Variants in EYS observed in about 807,000 individuals in gnomAD.
EYS encodes EGF-like photoreceptor maintenance factor, also known as protein eyes shut homolog.
A neutral mutation model predicts 282.1 loss-of-function variants in EYS; 250 were observed. The ratio of observed to expected loss-of-function variants is 0.89; its 90% CI spans 0.80 to 0.98. The LOEUF (loss-of-function observed/expected upper bound fraction) is 0.98. Among genes scored for constraint, EYS ranks in the 50% least tolerant of loss-of-function variants. The pLI is 0.00. For missense variants in EYS, 4,016 were observed against 3,709.0 expected, an observed-to-expected ratio of 1.08 and a Z score of -2.15; for synonymous variants, 1,355 against 1,282.9, an observed-to-expected ratio of 1.06 and a Z score of -1.20.
At chr6:63,958,274 T>C (rs1332694706) in intron 35 of EYS, among the ~76,000 whole-genome samples, 2 of 140,712 alleles carry the variant, frequency 1.4e-5, no homozygotes, top group Non-Finnish European at 3.2e-5. Flanking sequence ...CCTGAACAGA[T>C]ATATACTCTA....
intron 19 of EYS, among the ~76,000 whole-genome samples, chr6:64,850,343 C>T (rs530861907): frequency 4.5e-4 from 68 of 152,202 alleles, no homozygotes; most frequent in African/African-American, 1.6e-3. Flanking sequence ...CACTCTGTGG[C>T]ATTGGTCCAG....
rs1027731148 is a variant in EYS at position 65,057,649 on chromosome 6, C to A, written c.2102G>T (p.Gly701Val). 5.2e-6 allele frequency: 8 copies of A among 1,550,672 alleles called. No individual in the cohort carries two copies. Among genetic ancestry groups the A allele is most frequent in the Admixed American group, 2.0e-5 (1 of 50,964 alleles). The stretch of plus-strand genomic sequence containing the variant: ...AGGCACACACTGGCAGAAGTAATTA[C>A]CAGGTTGGTCAATGCAGGTGGCTCC... ...KNGATCIDQPGNYFCQCVPPF... is the reference protein window; with the variant it reads ...KNGATCIDQPVNYFCQCVPPF... The change falls in exon 13 of 43, where the codon GGT becomes GTT. Residue 701 changes from glycine to valine, a missense_variant. By Grantham distance (109) the Gly-to-Val change is moderately radical. Coordinates refer to ENST00000503581, the MANE Select transcript of EYS (RefSeq NM_001142800.2).
chr6:65,218,220 C>T (rs1411632261), intron 12 of EYS, among the ~76,000 whole-genome samples: 1 of 151,950 alleles, frequency 6.6e-6, no homozygotes, highest in Non-Finnish European at 1.5e-5. Flanking sequence ...AGTTATAAAG[C>T]AGAAAGTGTT....
intron 14 of EYS, among the ~76,000 whole-genome samples, chr6:64,979,455 A>G (rs576176563): frequency 6.6e-6 from 1 of 151,736 alleles, no homozygotes; most frequent in East Asian, 2.0e-4. Context: ...AAAAAGAGGA[A>G]TCATAATGGC....
At chr6:63,933,750 AG>A (rs1166951773) in intron 35 of EYS, among the ~76,000 whole-genome samples, 2 of 152,186 alleles carry the variant, frequency 1.3e-5, no homozygotes, top group African/African-American at 4.8e-5. Flanking sequence ...CCAGTGACAG[AG>A]CTGTGTGCCA....
chr6:65,476,869 C>T (rs1341856559), intron 5 of EYS, among the ~76,000 whole-genome samples: 1 of 152,116 alleles, frequency 6.6e-6, no homozygotes, highest in Non-Finnish European at 1.5e-5. Flanking sequence ...GCCACAGTAG[C>T]CAGCCTAAAA....
At chr6:64,891,827 T>C (rs1485996435) in intron 18 of EYS, among the ~76,000 whole-genome samples, 1 of 152,040 alleles carries the variant, frequency 6.6e-6, no homozygotes, top group East Asian at 1.9e-4. Flanking sequence ...ATATCTTCTA[T>C]CTTGAGAGAA....
chr6:64,845,196 T>G (rs975570085), intron 19 of EYS, among the ~76,000 whole-genome samples: 2 of 151,972 alleles, frequency 1.3e-5, no homozygotes, highest in African/African-American at 4.8e-5. Context: ...GAAGCTGAGG[T>G]GTGAGGATCA....
intron 22 of EYS, among the ~76,000 whole-genome samples, chr6:64,661,517 A>C (rs1255406181): frequency 3.3e-5 from 5 of 152,290 alleles, no homozygotes; most frequent in East Asian, 1.9e-4. Context: ...CCAGAATCTA[A>C]AATGAACTCA....
At chr6:65,089,313 T>C (rs115029630) in intron 12 of EYS, among the ~76,000 whole-genome samples, 1,656 of 152,282 alleles carry the variant, frequency 0.011, 36 homozygotes, top group African/African-American at 0.038. Context: ...GAGGGTGCTG[T>C]GCCTGCAAAG....
At chr6:64,895,432 T>C (rs547306265) in intron 18 of EYS, among the ~76,000 whole-genome samples, 2 of 152,316 alleles carry the variant, frequency 1.3e-5, no homozygotes, top group African/African-American at 4.8e-5. Flanking sequence ...TCAATGAAAT[T>C]CCAATCAAAA....
chr6:64,420,289 C>T (rs751242688), intron 28 of EYS, among the ~76,000 whole-genome samples: 12 of 151,986 alleles, frequency 7.9e-5, no homozygotes, highest in Non-Finnish European at 1.8e-4. Flanking sequence ...TGCATACAGC[C>T]GGGGGAGCCT....
At chr6:64,443,417 C>T (rs1038059081) in intron 26 of EYS, among the ~76,000 whole-genome samples, 2 of 152,112 alleles carry the variant, frequency 1.3e-5, no homozygotes, top group African/African-American at 2.4e-5. Context: ...TGAGTTAATG[C>T]TCAAATGAGT....
intron 31 of EYS, among the ~76,000 whole-genome samples, chr6:64,186,730 G>T (rs991944022): frequency 6.6e-6 from 1 of 152,062 alleles, no homozygotes; most frequent in African/African-American, 2.4e-5. Context: ...CCCTTATTAG[G>T]TGTTGGTTCT....
chr6:64,147,854 A>C (rs1330716994), intron 31 of EYS, among the ~76,000 whole-genome samples: 1 of 152,200 alleles, frequency 6.6e-6, no homozygotes, highest in African/African-American at 2.4e-5. Flanking sequence ...TAGTTACCAG[A>C]TGGAGTGCAG....
chr6:64,232,533 G>T (rs1164423700), intron 30 of EYS, among the ~76,000 whole-genome samples: 2 of 152,064 alleles, frequency 1.3e-5, no homozygotes, highest in Non-Finnish European at 2.9e-5. Context: ...GGGATTACAG[G>T]CACCCGCCAC....
At chr6:63,784,825 G>T (rs1770323933) in intron 39 of EYS, among the ~76,000 whole-genome samples, 1 of 152,122 alleles carries the variant, frequency 6.6e-6, no homozygotes. Flanking sequence ...AGTTGACAGG[G>T]TGTCTGTTGC....
chr6:65,646,302 C>T (rs1405146165), intron 1 of EYS, among the ~76,000 whole-genome samples: 1 of 152,088 alleles, frequency 6.6e-6, no homozygotes, highest in Non-Finnish European at 1.5e-5. Flanking sequence ...TGAAATGCAA[C>T]ATCATATTAA....
rs755759273 is a variant in EYS, at chr6:64,591,412, T to A, written c.4455A>T (p.Arg1485Ser). The change falls in exon 26 of 43, where the codon AGA becomes AGT. Residue 1485 changes from arginine (R) to serine (S), a missense_variant. Arg to Ser is a moderately radical substitution (Grantham distance 110). Coordinates refer to ENST00000503581, the MANE Select transcript of EYS (RefSeq NM_001142800.2). The part of the protein sequence containing the change: ...DSLISRREHW[R>S]LLSPSMSPIF... ...TGGGAGACATCGAGGGGCTGAGCAA[T>A]CTCCAGTGCTCTCTTCTTGAAATTA... 6.4e-7 allele frequency: 1 copy of A among 1,551,318 alleles called. No homozygotes were observed.
Sources: gnomAD v4.1 joint callset for allele counts (sites outside exome capture counted in the v4.1 genomes callset) on GRCh38, gnomAD v4.1.1 for gene constraint, MANE v1.5 for transcripts, NCBI Gene and HGNC (gene_info 2026-07-23, HGNC 2026-07-21) for gene names.